SCLT1: variants seen among roughly 807,000 people sequenced by gnomAD.
SCLT1 encodes the protein sodium channel and clathrin linker 1, also known as sodium channel-associated protein 1.
SCLT1 carries 78 observed loss-of-function variants against 112.8 expected under a neutral mutation model. That is an observed-to-expected ratio of 0.69 (90% CI 0.58 to 0.83). The LOEUF is 0.83. Ranked by LOEUF, SCLT1 falls within the 40% of genes least tolerant of loss-of-function variation. SCLT1 has a pLI of 0.00. For missense variants in SCLT1, 747 were observed against 770.4 expected, an observed-to-expected ratio of 0.97 and a Z score of 0.36; for synonymous variants, 257 against 254.7, an observed-to-expected ratio of 1.01 and a Z score of -0.09.
chr4:128,975,493 G>A (rs1016320178), intron 9 of SCLT1, among the ~76,000 whole-genome samples: 1 of 151,940 alleles, frequency 6.6e-6, no homozygotes, highest in African/African-American at 2.4e-5. Flanking sequence ...TTAACATCAA[G>A]TACAATGAGT....
At chr4:128,954,666 TAAG>T (rs1177425411) in intron 13 of SCLT1, among the ~76,000 whole-genome samples, 1 of 152,186 alleles carries the variant, frequency 6.6e-6, no homozygotes, top group Non-Finnish European at 1.5e-5. Context: ...ATAATTATAT[TAAG>T]AATCAATGTA....
At chr4:128,920,157 A>T (rs1184847056) in intron 18 of SCLT1, among the ~76,000 whole-genome samples, 2 of 152,218 alleles carry the variant, frequency 1.3e-5, no homozygotes, top group African/African-American at 4.8e-5. Flanking sequence ...AACAAATACT[A>T]GCAAATTGAA....
At chr4:128,979,363 T>G (rs781234092) in intron 9 of SCLT1, among the ~76,000 whole-genome samples, 5 of 152,158 alleles carry the variant, frequency 3.3e-5, no homozygotes, top group Non-Finnish European at 7.4e-5. Flanking sequence ...ATGATAGCAG[T>G]GCCCTCGAAA....
intron 9 of SCLT1, among the ~76,000 whole-genome samples, chr4:128,981,681 G>T (rs77846661): frequency 0.043 from 6,487 of 149,970 alleles, 223 homozygotes; most frequent in Non-Finnish European, 0.07. Flanking sequence ...TAAAAACTCT[G>T]ATCCCTGAGT....
chr4:128,947,552 C>T (rs901599095), intron 15 of SCLT1, among the ~76,000 whole-genome samples: 1 of 152,156 alleles, frequency 6.6e-6, no homozygotes, highest in African/African-American at 2.4e-5. Flanking sequence ...TCTGACTCTA[C>T]CATTTACCAC....
intron 8 of SCLT1, 150 bp downstream of exon 8, chr4:128,997,724 T>G (rs1743129988): frequency 2.2e-6 from 1 of 448,428 alleles, no homozygotes; most frequent in African/African-American, 2.1e-5. Flanking sequence ...CTGTAAACTG[T>G]GTCATGCTAT....
In SCLT1 at chr4:128,970,351, C is replaced by A. The variant is rs111495184; in HGVS notation, c.777+27G>T. 2.1e-3 allele frequency: 2,532 copies of A among 1,192,486 alleles called. 13 individuals carry two copies. The highest frequency in any genetic ancestry group is 0.016 in the African/African-American group (1,072 of 66,842). 73.9% of individuals were successfully genotyped at this position (1,192,486 alleles called of 1,614,324 possible). On this transcript the variant is annotated intron_variant, in intron 10 of 20. Transcript: ENST00000281142. ...TAGAAAGAAAACTAAGCAATAGGTA[C>A]CCATTTGTCTTAGAAATAGAAAATA...
intron 2 of SCLT1, among the ~76,000 whole-genome samples, chr4:129,069,413 G>A (rs964886166): frequency 1.3e-5 from 2 of 152,034 alleles, no homozygotes; most frequent in African/African-American, 4.8e-5. Context: ...TATGAGATGT[G>A]TTTCTGTTTG....
At chr4:129,019,396 A>G (rs566183318) in intron 5 of SCLT1, among the ~76,000 whole-genome samples, 4 of 152,356 alleles carry the variant, frequency 2.6e-5, no homozygotes, top group Admixed American at 2.0e-4. Context: ...ATTAAAAAGA[A>G]AAATTGCTGC....
intron 5 of SCLT1, among the ~76,000 whole-genome samples, chr4:129,016,654 T>C (rs936859770): frequency 8.5e-5 from 13 of 152,206 alleles, no homozygotes; most frequent in Admixed American, 4.6e-4. Context: ...ATTTCAATTT[T>C]TATTGTTCTA....
intron 5 of SCLT1, among the ~76,000 whole-genome samples, chr4:129,010,725 CTG>C (rs1744444172): frequency 6.6e-6 from 1 of 152,060 alleles, no homozygotes; most frequent in South Asian, 2.1e-4. Flanking sequence ...CTTGGCTTGA[CTG>C]TTTTTTTGTG....
intron 18 of SCLT1, among the ~76,000 whole-genome samples, chr4:128,930,087 C>CT (rs1403738050): frequency 1.3e-5 from 2 of 152,136 alleles, no homozygotes; most frequent in Non-Finnish European, 2.9e-5. Context: ...AAACCCCTTA[C>CT]TGTTAATGTG....
At chr4:129,006,895 A>G (rs1196878704) in intron 5 of SCLT1, among the ~76,000 whole-genome samples, 1 of 152,226 alleles carries the variant, frequency 6.6e-6, no homozygotes, top group African/African-American at 2.4e-5. Flanking sequence ...TCTTAAGATT[A>G]CAGCTTTCCC....
At chr4:128,938,563 C>T (rs1737405894) in intron 17 of SCLT1, among the ~76,000 whole-genome samples, 1 of 152,146 alleles carries the variant, frequency 6.6e-6, no homozygotes, top group Non-Finnish European at 1.5e-5. Context: ...ATTTAGATTG[C>T]CTGCCCTTTC....
intron 5 of SCLT1, among the ~76,000 whole-genome samples, chr4:129,008,354 T>A (rs2126098284): frequency 6.6e-6 from 1 of 152,340 alleles, no homozygotes; most frequent in Non-Finnish European, 1.5e-5. Flanking sequence ...AGATATTCCA[T>A]GTCTCTCGAT....
intron 18 of SCLT1, among the ~76,000 whole-genome samples, chr4:128,930,770 A>G (rs1228307727): frequency 6.6e-6 from 1 of 152,218 alleles, no homozygotes; most frequent in Non-Finnish European, 1.5e-5. Flanking sequence ...AGAAATTAAG[A>G]TAATAACAAG....
intron 2 of SCLT1, among the ~76,000 whole-genome samples, chr4:129,048,719 C>T (rs553183457): frequency 1.3e-5 from 2 of 152,242 alleles, no homozygotes; most frequent in East Asian, 3.9e-4. Context: ...AAAATTTTCG[C>T]AACCTACTCA....
At chr4:128,985,831 A>G (rs1742043244) in intron 9 of SCLT1, among the ~76,000 whole-genome samples, 1 of 152,144 alleles carries the variant, frequency 6.6e-6, no homozygotes, top group African/African-American at 2.4e-5. Flanking sequence ...TGTCCGCCTC[A>G]GCCTCCCAAA....
chr4:129,004,995 G>C (rs570147228), intron 5 of SCLT1, among the ~76,000 whole-genome samples: 7 of 151,540 alleles, frequency 4.6e-5, no homozygotes, highest in Non-Finnish European at 8.8e-5. Flanking sequence ...AAAATGATCA[G>C]TATAGAAATA....
Sources: gnomAD v4.1 joint callset for allele counts (sites outside exome capture counted in the v4.1 genomes callset) on GRCh38, gnomAD v4.1.1 for gene constraint, MANE v1.5 for transcripts, NCBI Gene and HGNC (gene_info 2026-07-23, HGNC 2026-07-21) for gene names.